The following MYH7 variants were observed in gnomAD, a reference collection of about 807,000 sequenced individuals.
MYH7 encodes the protein myosin heavy chain 7.
A neutral mutation model predicts 225.4 loss-of-function variants in MYH7; 129 were observed. The ratio of observed to expected loss-of-function variants is 0.57; its 90% CI spans 0.50 to 0.66. The LOEUF is 0.66. Among genes scored for constraint, MYH7 ranks in the 30% least tolerant of loss-of-function variants. The probability of loss-of-function intolerance (pLI) is 0.00; values close to 1 mark genes in which losing one functional copy is unlikely to be tolerated. For synonymous variants in MYH7, 971 were observed against 1,007.6 expected (o/e 0.96, Z 0.69); for missense variants, 1,649 against 2,517.0 (o/e 0.66, Z 7.38).
intron 30 of MYH7, 126 bp from the exon 31 acceptor site, chr14:23,417,812 G>T: frequency 7.5e-7 from 1 of 1,339,940 alleles, no homozygotes. Context: ...GAAGCCTGAG[G>T]ACAGGTCCCA....
Position 23,413,688 on chromosome 14 carries a change from G to A in MYH7, c.5790+71C>T, listed in dbSNP as rs45495096. On this transcript the variant is annotated intron_variant, in intron 39 of 39. Transcript: ENST00000355349. Reference sequence around the variant, plus strand: ...GGAATAAATGAAAAGGAAGCATCCCGGGTTTGAGGGTGCTCTGTCTGGGTA... The same window carrying A: ...GGAATAAATGAAAAGGAAGCATCCCAGGTTTGAGGGTGCTCTGTCTGGGTA... 5.6e-4 allele frequency: 905 copies of A among 1,602,446 alleles called. 2 individuals are homozygous for A. The highest frequency in any genetic ancestry group is 7.0e-4 in the Non-Finnish European group (821 of 1,173,016).
intron 32 of MYH7, 34 bp from the exon 33 acceptor site, chr14:23,417,026 T>A: frequency 1.9e-6 from 3 of 1,614,176 alleles, no homozygotes; most frequent in Non-Finnish European, 2.5e-6. Flanking sequence ...GGTTGAGGGC[T>A]GCTGAGGTCC....
Position 23,417,643 on chromosome 14 carries a change from C to T in MYH7, c.4213G>A (p.Glu1405Lys), listed in dbSNP as rs1431555615. The T allele has an allele frequency of 1.9e-6, 3 of 1,612,978 alleles. No homozygotes were observed. Among genetic ancestry groups the T allele is most frequent in the Admixed American group, 3.3e-5 (2 of 60,014 alleles). Residue 1405 changes from glutamate (E) to lysine (K), a missense_variant, in exon 31 of 40, where the codon GAG becomes AAG. By Grantham distance (56) the Glu-to-Lys change is moderately conservative. Coordinates refer to ENST00000355349, the MANE Select transcript of MYH7 (RefSeq NM_000257.4). ...GAGGAGCACTTGGCATTAACAGCCT[C>T]CACGGCCTCCTCAGCTTCCTGCAGC... ...QRLQEAEEAV[E>K]AVNAKCSSLE... is the part of the protein sequence containing the mutation.
intron 25 of MYH7, among the ~76,000 whole-genome samples, chr14:23,421,300 C>T (rs1479974729): frequency 6.6e-6 from 1 of 152,132 alleles, no homozygotes. Flanking sequence ...ATCTTTGGTC[C>T]TTGTTTTCTC....
rs780476751 is a variant in MYH7, at chr14:23,422,330, T to TAG, written c.3100-7_3100-6dup. 2 of 1,614,126 alleles carry TAG rather than the reference T, an allele frequency of 1.2e-6. No homozygotes were observed. Among genetic ancestry groups the TAG allele is most frequent in the Admixed American group, 1.7e-5 (1 of 60,022 alleles). On this transcript the variant is annotated splice_region_variant and splice_polypyrimidine_tract_variant and intron_variant, in intron 24 of 39. Coordinates refer to ENST00000355349, the MANE Select transcript of MYH7 (RefSeq NM_000257.4). ...TTGCTCCAGGGATCCTTCCAGCTGGTAGAGAGAAGGAGCCAGGCCCAGTGA... is the reference window on the plus strand; with the variant it reads ...TTGCTCCAGGGATCCTTCCAGCTGGTAGAGAGAGAAGGAGCCAGGCCCAGTGA...
At position 23,431,012 on chromosome 14, in the gene MYH7, G is replaced by T. The variant is rs774622968; in HGVS notation, c.797-13C>A. On this transcript the variant is annotated splice_polypyrimidine_tract_variant and intron_variant, in intron 9 of 39. Coordinates refer to ENST00000355349, the MANE Select transcript of MYH7 (RefSeq NM_000257.4). ...TTTTCCAGAAGATCTGTGAACAGGTGGGGAGAAGAAGGAGAGAAAGAAAAG... is the reference window on the plus strand; with the variant it reads ...TTTTCCAGAAGATCTGTGAACAGGTTGGGAGAAGAAGGAGAGAAAGAAAAG... 2 of 1,585,558 alleles carry T rather than the reference G, an allele frequency of 1.3e-6. No homozygotes were observed. Among genetic ancestry groups the T allele is most frequent in the South Asian group, 2.2e-5 (2 of 90,498 alleles).
Position 23,432,185 on chromosome 14 carries a change from G to T in MYH7, c.530+294C>A, listed in dbSNP as rs73587634. ...GGAAGAATGGGAAATGTTTCTGAAG[G>T]GAAAGAAAATGCAGAGGTGAAGACA... On this transcript the variant is annotated intron_variant, in intron 6 of 39. Transcript: ENST00000355349. Among the ~76,000 whole-genome samples the T allele has an allele frequency of 0.025, 3,779 of 152,246 alleles. 103 individuals carry two copies. The highest frequency in any genetic ancestry group is 0.074 in the East Asian group (383 of 5,158).
At chr14:23,430,727 A>G in intron 10 of MYH7, 64 bp from the exon 11 acceptor site, 1 of 1,436,920 alleles carries the variant, frequency 7.0e-7, no homozygotes, top group Non-Finnish European at 9.8e-7. Flanking sequence ...GCTGCTCGCC[A>G]CAGCACATGG....
At chr14:23,420,870 G>C (rs1228654404) in intron 26 of MYH7, 88 bp downstream of exon 26, 2 of 971,444 alleles carry the variant, frequency 2.1e-6, no homozygotes, top group Non-Finnish European at 3.3e-6. Context: ...TTCCTGTAAT[G>C]CTGTGAACAG....
intron 39 of MYH7, among the ~76,000 whole-genome samples, chr14:23,413,317 C>T (rs192106139): frequency 3.9e-5 from 6 of 152,264 alleles, no homozygotes; most frequent in Admixed American, 6.5e-5. Flanking sequence ...TGGTGGCTCA[C>T]GCCTGTAATC....
rs1292997772 is a variant in MYH7 at position 23,430,617 on chromosome 14, G to A, written c.942C>T (p.Ser314=). The change falls in exon 11 of 40, where the codon TCC becomes TCT. Residue 314 remains serine (S), a synonymous_variant. Transcript: ENST00000355349. Reference sequence around the variant, plus strand: ...TGGAGGCCACGGTGGTCTCTCCTTGGGAGATGAATGCATAATCGTAGGGGT... The same window carrying A: ...TGGAGGCCACGGTGGTCTCTCCTTGAGAGATGAATGCATAATCGTAGGGGT... ...TNNPYDYAFI[S]QGETTVASID... is the part of the protein sequence containing the mutation. The A allele has an allele frequency of 6.2e-7, 1 of 1,613,960 alleles. No homozygotes were observed. The highest frequency in any genetic ancestry group is 1.3e-5 in the African/African-American group (1 of 74,868).
At position 23,417,136 on chromosome 14, in the gene MYH7, T is replaced by C; in HGVS notation, c.4519+17A>G. ...GCCAGTGCAGCCCCTCCCCAGCCTC[T>C]TGGGCCCCCAGCACACCCTGCAGGT... On this transcript the variant is annotated intron_variant, in intron 32 of 39. Transcript: ENST00000355349. 1 of 1,614,110 alleles carries C rather than the reference T, an allele frequency of 6.2e-7. No individual in the cohort carries two copies. The highest frequency in any genetic ancestry group is 8.5e-7 in the Non-Finnish European group (1 of 1,180,008).
At chr14:23,422,113 G>C (rs41285542) in intron 25 of MYH7, 67 bp downstream of exon 25, 31 of 1,607,550 alleles carry the variant, frequency 1.9e-5, no homozygotes, top group Non-Finnish European at 2.5e-5. Flanking sequence ...GAGGATGGCT[G>C]TCTTGGGTCT....
Position 23,424,909 on chromosome 14 carries a change from T to C in MYH7, c.2539A>G (p.Lys847Glu), listed in dbSNP as rs727504310. Reference sequence around the variant, plus strand: ...TCCTCCTTCATGGAGGCCATCTCCTTCTCTCTTTCTGCACTCTTCAGCAGC... The same window carrying C: ...TCCTCCTTCATGGAGGCCATCTCCTCCTCTCTTTCTGCACTCTTCAGCAGC... ...KPLLKSAERE[K>E]EMASMKEEFT... The change falls in exon 22 of 40, where the codon AAG becomes GAG. Residue 847 changes from lysine to glutamate, a missense_variant. Physicochemically the swap from Lys to Glu is moderately conservative, Grantham distance 56 (BLOSUM62 1). This residue lies in a region of MYH7 where 282 missense variants were observed against 315.3 expected (regional missense o/e 0.89). Transcript: ENST00000355349. 1.2e-6 allele frequency: 2 copies of C among 1,614,202 alleles called. No homozygotes were observed. The highest frequency in any genetic ancestry group is 1.7e-6 in the Non-Finnish European group (2 of 1,180,038).
chr14:23,429,408 G>T lies in MYH7; in HGVS notation c.1139-61C>A, dbSNP rs991608839. 15 of 1,491,642 alleles carry T rather than the reference G, an allele frequency of 1.0e-5. No homozygotes were observed. In the Admixed American group the frequency reaches 1.2e-4, roughly 12 times the overall value. 92.4% of individuals were successfully genotyped at this position (1,491,642 alleles called of 1,614,324 possible). On this transcript the variant is annotated intron_variant, in intron 12 of 39. Transcript: ENST00000355349. ...AGATGACTGCTGGCCAGGTGTGGTG[G>T]TTCATGCCTGTAATCCCAGCACTTT...
chr14:23,418,392 C>G lies in MYH7; in HGVS notation c.3987G>C (p.Leu1329=), dbSNP rs757103246. 1 of 1,608,798 alleles carries G rather than the reference C, an allele frequency of 6.2e-7. No homozygotes were observed. Among genetic ancestry groups the G allele is most frequent in the Non-Finnish European group, 8.5e-7 (1 of 1,176,238 alleles). Residue 1329 remains leucine (L), a synonymous_variant, in exon 30 of 40, where the codon CTG becomes CTC. Transcript: ENST00000355349. ...GCCGGGCCGACTGCAGTGCGTGGGCCAGGGCGTTCTTCGCCTGGGGAGGGG... is the reference window on the plus strand; with the variant it reads ...GCCGGGCCGACTGCAGTGCGTGGGCGAGGGCGTTCTTCGCCTGGGGAGGGG... ...LEEEVKAKNA[L]AHALQSARHD...
At chr14:23,435,333 C>T (rs1280613108) in intron 1 of MYH7, among the ~76,000 whole-genome samples, 1 of 151,370 alleles carries the variant, frequency 6.6e-6, no homozygotes, top group Admixed American at 6.6e-5. Context: ...AGGTACATAC[C>T]CTTTCTCACA....
At chr14:23,420,932 A>G (rs1210626510) in intron 26 of MYH7, 26 bp downstream of exon 26, 1 of 1,594,124 alleles carries the variant, frequency 6.3e-7, no homozygotes, top group Non-Finnish European at 8.6e-7. Flanking sequence ...GGGACTCAGC[A>G]TCCCGCGTGG....
chr14:23,415,247 C>A lies in MYH7; in HGVS notation c.5307G>T (p.Leu1769=), dbSNP rs1892140757. 2 of 1,614,156 alleles carry A rather than the reference C, an allele frequency of 1.2e-6. No homozygotes were observed. The highest frequency in any genetic ancestry group is 2.7e-5 in the African/African-American group (2 of 74,956). Residue 1769 remains leucine, a synonymous_variant, in exon 37 of 40, where the codon CTG becomes CTT. Coordinates refer to ENST00000355349, the MANE Select transcript of MYH7 (RefSeq NM_000257.4). This position sits in a 1 kb window ranked among gnomAD's most constrained non-coding sequence, Gnocchi z 6.3. ...GGGCGCTGGTGTCCTGCTCCTTCTT[C>A]AGCTCCTCTGCCATCATGGCGGCCT... ...ITDAAMMAEE[L]KKEQDTSAHL... is the part of the protein sequence containing the mutation.
Sources: allele counts gnomAD v4.1 joint callset (sites outside exome capture counted in the v4.1 genomes callset), GRCh38; gene constraint gnomAD v4.1.1; regional missense constraint gnomAD v4.1.1; non-coding constraint Gnocchi (gnomAD v3.1); transcripts MANE v1.5; gene names NCBI Gene and HGNC (gene_info 2026-07-23, HGNC 2026-07-21).